Variants in DENND5B observed in about 807,000 individuals in gnomAD.
The protein encoded by DENND5B is DENN domain-containing protein 5B.
A neutral mutation model predicts 140.6 loss-of-function variants in DENND5B; 34 were observed. The ratio of observed to expected loss-of-function variants is 0.24; its 90% CI spans 0.18 to 0.32. DENND5B has a LOEUF of 0.32. DENND5B is among the 10% of genes least tolerant of loss of function. The pLI, the probability that DENND5B is intolerant of heterozygous loss-of-function variation, is 1.00. For missense variants in DENND5B, 1,142 were observed against 1,560.2 expected (o/e 0.73, Z 4.52); for synonymous variants, 551 against 562.1 (o/e 0.98, Z 0.28).
At chr12:31,466,538 C>CA (rs1347932271) in intron 3 of DENND5B, among the ~76,000 whole-genome samples, 1 of 151,898 alleles carries the variant, frequency 6.6e-6, no homozygotes, top group African/African-American at 2.4e-5. Flanking sequence ...ACTAAAAATA[C>CA]AAAAATTAGC....
At chr12:31,394,615 CT>C (rs33960412) in intron 17 of DENND5B, among the ~76,000 whole-genome samples, 63,878 of 136,756 alleles carry the variant, frequency 0.47, 14,376 homozygotes, top group East Asian at 0.77. Flanking sequence ...ACCCTGTGCT[CT>C]TTTTTTTTTT....
At chr12:31,463,682 T>C (rs1322403809) in intron 3 of DENND5B, among the ~76,000 whole-genome samples, 1 of 152,072 alleles carries the variant, frequency 6.6e-6, no homozygotes, top group African/African-American at 2.4e-5. Flanking sequence ...TTTTTTGAGA[T>C]CGAGTTTTCA....
At chr12:31,564,101 G>C (rs1403124768) in intron 1 of DENND5B, among the ~76,000 whole-genome samples, 1 of 152,168 alleles carries the variant, frequency 6.6e-6, no homozygotes, top group Non-Finnish European at 1.5e-5. Context: ...CTGGGCAACA[G>C]AGCAAGTCTC....
At chr12:31,427,067 G>T (rs1943271862) in intron 8 of DENND5B, among the ~76,000 whole-genome samples, 1 of 152,144 alleles carries the variant, frequency 6.6e-6, no homozygotes, top group Non-Finnish European at 1.5e-5. Context: ...TGAAAAGCAC[G>T]ATGTGCTCCA....
chr12:31,534,592 A>G (rs754502295), intron 1 of DENND5B: 39 of 165,340 alleles, frequency 2.4e-4, no homozygotes, highest in Non-Finnish European at 1.8e-4. Flanking sequence ...CATAATAGTA[A>G]CTACCTTACC....
chr12:31,502,616 T>C (rs75832283), intron 1 of DENND5B, among the ~76,000 whole-genome samples: 3,117 of 152,234 alleles, frequency 0.02, 56 homozygotes, highest in South Asian at 0.052. Flanking sequence ...GTCTTTCTTT[T>C]AAATAGTCAA....
At chr12:31,586,114 T>G (rs1446073999) in intron 1 of DENND5B, among the ~76,000 whole-genome samples, 1 of 152,208 alleles carries the variant, frequency 6.6e-6, no homozygotes, top group Non-Finnish European at 1.5e-5. Flanking sequence ...CTCAAAAGAT[T>G]GACTGCTGTA....
At chr12:31,466,649 C>T (rs2138344437) in intron 3 of DENND5B, among the ~76,000 whole-genome samples, 1 of 152,158 alleles carries the variant, frequency 6.6e-6, no homozygotes, top group East Asian at 1.9e-4. Context: ...GCAGAGTTTG[C>T]ACCACTGTAC....
At chr12:31,479,376 T>A (rs1482705425) in intron 3 of DENND5B, among the ~76,000 whole-genome samples, 1 of 152,226 alleles carries the variant, frequency 6.6e-6, no homozygotes, top group East Asian at 1.9e-4. Context: ...ACACTTGTGT[T>A]CCTTCCTATT....
rs1335618597 is a variant in DENND5B at position 31,389,261 on chromosome 12, C to T, written c.3641+63G>A. 88 of 1,503,876 alleles carry T rather than the reference C, an allele frequency of 5.9e-5. 2 individuals carry two copies. The South Asian group carries it at 1.1e-3, about 19-fold the overall frequency. The allele number at this position is 1,503,876 out of a possible 1,614,324, so 93.2% of individuals were successfully genotyped here. On this transcript the variant is annotated intron_variant, in intron 20 of 20. Coordinates refer to ENST00000389082, the MANE Select transcript of DENND5B (RefSeq NM_144973.4). ...CTGGAAGGGGTATGATCTGGTATAA[C>T]CTTTTCTGGACTCTAGTTCAACATG...
Position 31,437,521 on chromosome 12 carries a change from T to C in DENND5B, c.2013-4273A>G, listed in dbSNP as rs144103682. On this transcript the variant is annotated intron_variant, in intron 7 of 20. Coordinates refer to ENST00000389082, the MANE Select transcript of DENND5B (RefSeq NM_144973.4). ...ACAGATGTTCATCACAGCATATAGA[T>C]ATGTAATAACAAACTGTATTTCCTT... 3.8e-3 allele frequency among the ~76,000 whole-genome samples: 573 copies of C among 152,310 alleles called. 10 individuals are homozygous for C. Among genetic ancestry groups the C allele is most frequent in the East Asian group, 9.4e-3 (49 of 5,190 alleles).
intron 3 of DENND5B, among the ~76,000 whole-genome samples, chr12:31,464,014 C>G (rs1378863445): frequency 6.6e-6 from 1 of 152,120 alleles, no homozygotes; most frequent in Non-Finnish European, 1.5e-5. Context: ...TAAGACAATT[C>G]TTTTTAACTG....
rs574310097 is a variant in DENND5B at position 31,442,828 on chromosome 12, C to T, written c.1959G>A (p.Gly653=). ...MKIGQGKYEQ[G]FFPKLQSDVL... ...CATCGGACTGTAACTTTGGAAAGAA[C>T]CCCTGCTCATATTTGCCTTGACCAA... Residue 653 remains glycine (G), a synonymous_variant, in exon 7 of 21, where the codon GGG becomes GGA. Coordinates refer to ENST00000389082, the MANE Select transcript of DENND5B (RefSeq NM_144973.4). The T allele has an allele frequency of 6.2e-7, 1 of 1,613,514 alleles. No homozygotes were observed. Among genetic ancestry groups the T allele is most frequent in the Non-Finnish European group, 8.5e-7 (1 of 1,179,814 alleles).
intron 7 of DENND5B, among the ~76,000 whole-genome samples, chr12:31,435,587 A>G (rs569880033): frequency 2.0e-5 from 3 of 152,298 alleles, no homozygotes; most frequent in Non-Finnish European, 4.4e-5. Flanking sequence ...TAAGACTTCT[A>G]CTTATTTACG....
intron 5 of DENND5B, among the ~76,000 whole-genome samples, chr12:31,450,323 A>G (rs1210763785): frequency 6.6e-6 from 1 of 151,960 alleles, no homozygotes; most frequent in African/African-American, 2.4e-5. Flanking sequence ...ATACAATATC[A>G]TCCTCCAACA....
chr12:31,537,759 C>T (rs1304355637), intron 1 of DENND5B, among the ~76,000 whole-genome samples: 1 of 151,860 alleles, frequency 6.6e-6, no homozygotes, highest in Non-Finnish European at 1.5e-5. Context: ...CCTACAAAGA[C>T]ACACATAGAC....
At chr12:31,434,851 C>T (rs1943669562) in intron 7 of DENND5B, among the ~76,000 whole-genome samples, 1 of 152,096 alleles carries the variant, frequency 6.6e-6, no homozygotes, top group Admixed American at 6.6e-5. Flanking sequence ...TCCAGAACTC[C>T]TCTCCAAATC....
At chr12:31,400,808 C>T (rs558827311) in intron 15 of DENND5B, among the ~76,000 whole-genome samples, 49 of 149,410 alleles carry the variant, frequency 3.3e-4, no homozygotes, top group Non-Finnish European at 6.4e-4. Flanking sequence ...CTTATTCACT[C>T]TATTTTTTTG....
intron 3 of DENND5B, among the ~76,000 whole-genome samples, chr12:31,467,452 C>T (rs2138356605): frequency 1.3e-5 from 2 of 151,912 alleles, no homozygotes; most frequent in South Asian, 4.2e-4. Flanking sequence ...AGTGAGACCC[C>T]CATCTCTACA....
Sources: gnomAD v4.1 joint callset for allele counts (sites outside exome capture counted in the v4.1 genomes callset) on GRCh38, gnomAD v4.1.1 for gene constraint, MANE v1.5 for transcripts, NCBI Gene and HGNC (gene_info 2026-07-23, HGNC 2026-07-21) for gene names.